QTMAN: variants seen among roughly 807,000 people sequenced by gnomAD.
QTMAN encodes tRNA-queuosine alpha-mannosyltransferase.
At chr2:144,208,619 T>C in the QTMAN span, 2 of 1,613,346 alleles carry the variant, frequency 1.2e-6, no homozygotes, top group African/African-American at 1.3e-5. Context: ...TGCTCACTGA[T>C]GGGAATGGTC....
the QTMAN span, among the ~76,000 whole-genome samples, chr2:144,229,567 A>T: frequency 2.6e-5 from 4 of 152,308 alleles, no homozygotes; most frequent in South Asian, 8.3e-4. Context: ...GGAGGGAAGG[A>T]GAGTGAGAGT....
the QTMAN span, among the ~76,000 whole-genome samples, chr2:144,114,494 A>G: frequency 6.6e-6 from 1 of 152,276 alleles, no homozygotes; most frequent in East Asian, 1.9e-4. Context: ...ATCAATATAA[A>G]CTGTAATTTA....
At chr2:144,133,150 T>TA in the QTMAN span, among the ~76,000 whole-genome samples, 5 of 38,482 alleles carry the variant, frequency 1.3e-4, no homozygotes, top group African/African-American at 9.3e-4. Context: ...TATATATATA[T>TA]AATATAATAT....
the QTMAN span, among the ~76,000 whole-genome samples, chr2:144,193,302 G>A: frequency 6.6e-6 from 1 of 151,580 alleles, no homozygotes; most frequent in East Asian, 1.9e-4. Context: ...AATGTTAACT[G>A]AAGAAAATGA....
At chr2:144,130,056 T>G in the QTMAN span, among the ~76,000 whole-genome samples, 1 of 151,370 alleles carries the variant, frequency 6.6e-6, no homozygotes, top group African/African-American at 2.4e-5. Context: ...AAAGTTAATT[T>G]TTTGAATCTC....
the QTMAN span, among the ~76,000 whole-genome samples, chr2:144,150,847 T>C: frequency 6.6e-6 from 1 of 152,188 alleles, no homozygotes; most frequent in Non-Finnish European, 1.5e-5. Flanking sequence ...CAAAGAGAGA[T>C]AGCTACTATT....
the QTMAN span, among the ~76,000 whole-genome samples, chr2:143,981,775 A>C: frequency 2.6e-5 from 4 of 152,236 alleles, no homozygotes; most frequent in African/African-American, 4.8e-5. Context: ...GGGTGAACAC[A>C]ATATGGAATG....
chr2:144,262,561 T>G, the QTMAN span, among the ~76,000 whole-genome samples: 2 of 65,384 alleles, frequency 3.1e-5, no homozygotes, highest in Non-Finnish European at 5.5e-5. Context: ...CAGAGCAAGA[T>G]GCTGTCTCAA....
chr2:144,232,506 T>C, the QTMAN span, among the ~76,000 whole-genome samples: 1 of 152,084 alleles, frequency 6.6e-6, no homozygotes, highest in Admixed American at 6.5e-5. Flanking sequence ...CAGTCACATT[T>C]GTTACACTGT....
the QTMAN span, among the ~76,000 whole-genome samples, chr2:144,159,238 AT>A: frequency 2.6e-5 from 4 of 152,052 alleles, no homozygotes; most frequent in Non-Finnish European, 4.4e-5. Flanking sequence ...ATTTAACTAT[AT>A]TTTAACATGG....
chr2:144,094,819 T>C, the QTMAN span, among the ~76,000 whole-genome samples: 1 of 152,236 alleles, frequency 6.6e-6, no homozygotes, highest in African/African-American at 2.4e-5. Flanking sequence ...GTCAATGAAT[T>C]ATTCATAATT....
At chr2:144,287,680 T>C in the QTMAN span, among the ~76,000 whole-genome samples, 2 of 152,160 alleles carry the variant, frequency 1.3e-5, no homozygotes, top group Non-Finnish European at 2.9e-5. Context: ...TAAAGCCTTA[T>C]TCAGGGTCAC....
At chr2:143,951,890 C>T in the QTMAN span, 5 of 675,998 alleles carry the variant, frequency 7.4e-6, no homozygotes, top group African/African-American at 1.8e-5. Flanking sequence ...TTCCTTTAAA[C>T]ATTAGTATGT....
the QTMAN span, among the ~76,000 whole-genome samples, chr2:144,168,109 G>C: frequency 6.6e-6 from 1 of 152,234 alleles, no homozygotes; most frequent in African/African-American, 2.4e-5. Flanking sequence ...GACTAATGTA[G>C]GTTAATCAAA....
the QTMAN span, chr2:143,939,596 G>A: frequency 6.6e-6 from 1 of 152,164 alleles, no homozygotes; most frequent in African/African-American, 2.4e-5. Flanking sequence ...TTTATAGAAA[G>A]TATTATATGG....
chr2:144,143,993 T>G, the QTMAN span, among the ~76,000 whole-genome samples: 11 of 151,958 alleles, frequency 7.2e-5, no homozygotes. Context: ...ACTCTTATTT[T>G]TCCTCTGGAC....
the QTMAN span, among the ~76,000 whole-genome samples, chr2:144,251,444 A>C: frequency 6.6e-6 from 1 of 152,196 alleles, no homozygotes; most frequent in African/African-American, 2.4e-5. Context: ...TCTCCAATAA[A>C]TGATGTTGGA....
chr2:144,192,492 C>T, the QTMAN span, among the ~76,000 whole-genome samples: 1 of 152,126 alleles, frequency 6.6e-6, no homozygotes, highest in Admixed American at 6.6e-5. Context: ...TTAGGTATCA[C>T]CTGCTGCAAC....
At chr2:144,297,834 C>T in the QTMAN span, among the ~76,000 whole-genome samples, 1 of 151,194 alleles carries the variant, frequency 6.6e-6, no homozygotes, top group East Asian at 2.0e-4. Context: ...CCCACCTCGG[C>T]CTCCCAAAGT....
Sources: gnomAD v4.1 joint callset for allele counts (sites outside exome capture counted in the v4.1 genomes callset) on GRCh38, gnomAD v4.1.1 for gene constraint, MANE v1.5 for transcripts, NCBI Gene and HGNC (gene_info 2026-07-23, HGNC 2026-07-21) for gene names.